PAK6: variants seen among roughly 807,000 people sequenced by gnomAD.
PAK6 encodes the protein serine/threonine-protein kinase PAK 6.
Under a neutral mutation model 60.8 loss-of-function variants are expected in PAK6, and 33 were observed. The observed-to-expected ratio is 0.54, with a 90% CI of 0.41 to 0.73. The LOEUF (loss-of-function observed/expected upper bound fraction) is 0.73. Among genes scored for constraint, PAK6 ranks in the 30% least tolerant of loss-of-function variants. PAK6 has a pLI of 0.00. For synonymous variants in PAK6, 404 were observed against 378.5 expected, an observed-to-expected ratio of 1.07 and a Z score of -0.78; for missense variants, 845 against 904.1, an observed-to-expected ratio of 0.93 and a Z score of 0.84.
intron 2 of PAK6, among the ~76,000 whole-genome samples, chr15:40,242,605 A>C (rs1211723453): frequency 6.6e-6 from 1 of 152,136 alleles, no homozygotes; most frequent in Non-Finnish European, 1.5e-5. Flanking sequence ...TTGCAAATGG[A>C]AGCTTCTGAG....
At chr15:40,273,783 A>G in intron 9 of PAK6, 107 bp downstream of exon 9, 1 of 1,355,142 alleles carries the variant, frequency 7.4e-7, no homozygotes, top group South Asian at 1.3e-5. Flanking sequence ...CCTGGTTTTC[A>G]GAGTCCCACC....
intron 2 of PAK6, chr15:40,245,239 G>A (rs1005234505): frequency 2.0e-5 from 3 of 152,316 alleles, no homozygotes; most frequent in Non-Finnish European, 4.4e-5. Flanking sequence ...AGCTGGTGCT[G>A]TATTTTGATC....
rs749888649 is a variant in PAK6, at chr15:40,252,654, C to A, written c.-117-524C>A. The A allele has an allele frequency of 4.5e-6, 6 of 1,322,582 alleles. No individual in the cohort carries two copies. The African/African-American group carries it at 7.5e-5, about 16-fold the overall frequency. The allele number at this position is 1,322,582 out of a possible 1,614,324, so 81.9% of individuals were successfully genotyped here. A position where few individuals can be genotyped will look rare whatever the true frequency, so the allele number is the denominator to read the frequency against. On this transcript the variant is annotated intron_variant, in intron 2 of 10. Transcript: ENST00000560346. ...CCGCGGAGGGCGGGCCCGGCTCCCA[C>A]GACCTCTTCGAGCGTTCCTGGGCTT...
exon 11 of PAK6, chr15:40,276,322 A>AC: frequency 1.8e-6 from 1 of 549,070 alleles, no homozygotes. Flanking sequence ...CTACAGGATG[A>AC]CCCCTTGATA....
At chr15:40,272,135 A>G (rs921673408) in intron 5 of PAK6, 89 bp from the exon 6 acceptor site, 2 of 1,434,228 alleles carry the variant, frequency 1.4e-6, no homozygotes, top group Non-Finnish European at 9.5e-7. Flanking sequence ...GCCAGAGTCC[A>G]GAGGTCACGG....
intron 5 of PAK6, 81 bp from the exon 6 acceptor site, chr15:40,272,143 C>T (rs1244934814): frequency 1.2e-5 from 18 of 1,490,702 alleles, no homozygotes; most frequent in African/African-American, 5.6e-5. Context: ...CCAGAGGTCA[C>T]GGCGGCCAGC....
chr15:40,261,513 G>A (rs1331858552), intron 3 of PAK6, among the ~76,000 whole-genome samples: 10 of 151,860 alleles, frequency 6.6e-5, no homozygotes, highest in Non-Finnish European at 1.2e-4. Context: ...CTCCAGCCCG[G>A]GCAAGACAGC....
At chr15:40,264,417 TC>T in intron 3 of PAK6, 1 of 470,718 alleles carries the variant, frequency 2.1e-6, no homozygotes, top group Non-Finnish European at 4.2e-6. Flanking sequence ...CCTCCCTCTT[TC>T]CCCATTTTTA....
At chr15:40,253,448 C>T (rs971286129) in intron 3 of PAK6, among the ~76,000 whole-genome samples, 159 bp downstream of exon 3, 1 of 152,244 alleles carries the variant, frequency 6.6e-6, no homozygotes, top group Non-Finnish European at 1.5e-5. Flanking sequence ...GTCTCTCGAT[C>T]CTTAGTGGGT....
intron 3 of PAK6, among the ~76,000 whole-genome samples, chr15:40,263,295 G>A (rs937476803): frequency 2.0e-5 from 3 of 152,188 alleles, no homozygotes; most frequent in African/African-American, 2.4e-5. Context: ...GTTTCTTGAA[G>A]CCTGGAAGTG....
intron 2 of PAK6, chr15:40,244,789 C>T (rs551582561): frequency 6.6e-6 from 1 of 152,300 alleles, no homozygotes; most frequent in South Asian, 2.1e-4. Flanking sequence ...AACCCCAGAG[C>T]ATGACAGGCT....
chr15:40,254,585 G>A (rs1208779955), intron 3 of PAK6, among the ~76,000 whole-genome samples: 1 of 152,164 alleles, frequency 6.6e-6, no homozygotes, highest in Non-Finnish European at 1.5e-5. Context: ...GGGATAGAGG[G>A]AGCCTCTGGC....
At chr15:40,256,668 G>A (rs76209757) in intron 3 of PAK6, among the ~76,000 whole-genome samples, 2,232 of 152,318 alleles carry the variant, frequency 0.015, 31 homozygotes, top group Middle Eastern at 0.054. Flanking sequence ...TTCACATCAG[G>A]TCCTGGGTCA....
intron 2 of PAK6, chr15:40,251,796 T>C (rs1201503523): frequency 6.6e-6 from 1 of 152,450 alleles, no homozygotes; most frequent in Non-Finnish European, 1.5e-5. Flanking sequence ...TCCCCCAGTA[T>C]AGAAAACACC....
chr15:40,261,575 C>T (rs190040637), intron 3 of PAK6, among the ~76,000 whole-genome samples: 1 of 152,120 alleles, frequency 6.6e-6, no homozygotes, highest in Admixed American at 6.5e-5. Context: ...GAATCAGGGA[C>T]CTTCTAAATT....
At chr15:40,272,920 T>C (rs778192276) in exon 7 of PAK6, 4 of 1,614,058 alleles carry the variant, frequency 2.5e-6, no homozygotes, top group Non-Finnish European at 3.4e-6. Flanking sequence ...GTACAAGAGC[T>C]ACCTGGTGGG....
chr15:40,246,828 G>A (rs764137182), intron 2 of PAK6: 19 of 152,392 alleles, frequency 1.2e-4, no homozygotes, highest in African/African-American at 2.9e-4. Flanking sequence ...AGTTAGACAG[G>A]TCATGCCTTC....
In PAK6 at chr15:40,252,729, G is replaced by A. The variant is rs1414556861; in HGVS notation, c.-117-449G>A. The A allele has an allele frequency of 4.6e-6, 6 of 1,303,096 alleles. No homozygotes were observed. The Admixed American group carries it at 6.9e-5, about 15-fold the overall frequency. The allele number at this position is 1,303,096 out of a possible 1,614,324, so 80.7% of individuals were successfully genotyped here. A position where few individuals can be genotyped will look rare whatever the true frequency, so the allele number is the denominator to read the frequency against. ...GCTGCCCCGGAGGTTCGCGGCGAGAGGACGGGCCTCCCAACACGCGCAGCC... is the reference window on the plus strand; with the variant it reads ...GCTGCCCCGGAGGTTCGCGGCGAGAAGACGGGCCTCCCAACACGCGCAGCC... On this transcript the variant is annotated intron_variant, in intron 2 of 10. Transcript: ENST00000560346.
At chr15:40,265,734 T>G in intron 4 of PAK6, 108 bp from the exon 5 acceptor site, 1 of 963,100 alleles carries the variant, frequency 1.0e-6, no homozygotes. Flanking sequence ...GGTCCTTAGG[T>G]GGTCCTCCCC....
Sources: allele counts gnomAD v4.1 joint callset (sites outside exome capture counted in the v4.1 genomes callset), GRCh38; gene constraint gnomAD v4.1.1; transcripts MANE v1.5; gene names NCBI Gene and HGNC (gene_info 2026-07-23, HGNC 2026-07-21).